USP53: variants seen among roughly 807,000 people sequenced by gnomAD.
USP53 encodes ubiquitin carboxyl-terminal hydrolase 53.
In USP53, 71 loss-of-function variants were observed where a neutral mutation model predicts 94.9. The observed-to-expected ratio is 0.75, with a 90% CI of 0.62 to 0.91. The LOEUF (loss-of-function observed/expected upper bound fraction) is 0.91. Among genes scored for constraint, USP53 ranks in the 40% least tolerant of loss-of-function variants. The pLI, the probability that USP53 is intolerant of heterozygous loss-of-function variation, is 0.00. For synonymous variants in USP53, 375 were observed against 422.7 expected (o/e 0.89, Z 1.39); for missense variants, 1,173 against 1,281.0 (o/e 0.92, Z 1.29).
chr4:119,287,928 C>T (rs1754303501), intron 17 of USP53, among the ~76,000 whole-genome samples: 1 of 152,172 alleles, frequency 6.6e-6, no homozygotes, highest in African/African-American at 2.4e-5. Flanking sequence ...GGTCACTTAA[C>T]TTCACTGAGC....
At chr4:119,225,675 G>C (rs1281693664) in intron 3 of USP53, among the ~76,000 whole-genome samples, 2 of 151,952 alleles carry the variant, frequency 1.3e-5, no homozygotes. Context: ...GAACCCGGGA[G>C]GTGGAGTGAG....
chr4:119,275,580 G>A (rs1290485220), intron 17 of USP53, among the ~76,000 whole-genome samples: 2 of 150,704 alleles, frequency 1.3e-5, no homozygotes, highest in African/African-American at 4.9e-5. Flanking sequence ...TGGCGATGCG[G>A]GCTCTTTTTT....
At chr4:119,238,619 GAC>G (rs1310354217) in intron 4 of USP53, among the ~76,000 whole-genome samples, 2 of 152,302 alleles carry the variant, frequency 1.3e-5, no homozygotes, top group Non-Finnish European at 1.5e-5. Flanking sequence ...CTACAGGGTT[GAC>G]ACACACCTTC....
chr4:119,225,044 T>TA (rs1745052362), intron 3 of USP53, among the ~76,000 whole-genome samples: 1 of 152,062 alleles, frequency 6.6e-6, no homozygotes, highest in Non-Finnish European at 1.5e-5. Flanking sequence ...ATAAAGTTGA[T>TA]AAAATCCCTA....
Position 119,212,876 on chromosome 4 carries a change from A to C in USP53, c.-942+3A>C. 1 of 184,396 alleles carries C rather than the reference A, an allele frequency of 5.4e-6. No individual in the cohort carries two copies. Among genetic ancestry groups the C allele is most frequent in the Non-Finnish European group, 1.2e-5 (1 of 86,024 alleles). The allele number at this position is 184,396 out of a possible 1,614,324, so 11.4% of individuals were successfully genotyped here. A position where few individuals can be genotyped will look rare whatever the true frequency, so the allele number is the denominator to read the frequency against. ...GCGCAAGGAGGGTAGAGCTCAAGGTAAGTCTCCGAAACTAGCCCTCTGGTT... is the reference window on the plus strand; with the variant it reads ...GCGCAAGGAGGGTAGAGCTCAAGGTCAGTCTCCGAAACTAGCCCTCTGGTT... On this transcript the variant is annotated splice_donor_region_variant and intron_variant, in intron 1 of 18. Transcript: ENST00000692078.
At chr4:119,285,219 T>C (rs527870436) in intron 17 of USP53, among the ~76,000 whole-genome samples, 1 of 151,938 alleles carries the variant, frequency 6.6e-6, no homozygotes, top group East Asian at 1.9e-4. Flanking sequence ...GAGAGAAAGA[T>C]GAGAGCAGAT....
At chr4:119,267,201 A>G in intron 12 of USP53, 119 bp from the exon 13 acceptor site, 3 of 788,592 alleles carry the variant, frequency 3.8e-6, no homozygotes, top group Non-Finnish European at 5.8e-6. Context: ...TACTTGAACT[A>G]CTAGCAGCTG....
chr4:119,254,558 T>C (rs191168046), intron 7 of USP53, among the ~76,000 whole-genome samples: 1 of 152,308 alleles, frequency 6.6e-6, no homozygotes, highest in Non-Finnish European at 1.5e-5. Context: ...CGTACTATGT[T>C]TTTCAGCTCC....
Position 119,292,561 on chromosome 4 carries a change from G to A in USP53, c.2572G>A (p.Glu858Lys). Reference protein sequence around the residue: ...SASGKRVNSNEPSSLWSSHLR... With the variant: ...SASGKRVNSNKPSSLWSSHLR... Reference sequence around the variant, plus strand: ...TTCTGGGAAGAGAGTGAACAGTAATGAACCATCTTCATTATGGTCTTCACA... The same window carrying A: ...TTCTGGGAAGAGAGTGAACAGTAATAAACCATCTTCATTATGGTCTTCACA... The change falls in exon 19 of 19, where the codon GAA becomes AAA. Residue 858 changes from glutamate to lysine, a missense_variant. By Grantham distance (56) the Glu-to-Lys change is moderately conservative. Transcript: ENST00000692078. 2 of 1,613,996 alleles carry A rather than the reference G, an allele frequency of 1.2e-6. No individual in the cohort carries two copies. Among genetic ancestry groups the A allele is most frequent in the South Asian group, 1.1e-5 (1 of 91,062 alleles).
Position 119,291,158 on chromosome 4 carries a change from A to G in USP53, c.2252-7A>G, listed in dbSNP as rs757803708. ...TCATCTCTTCTCCCCACCCCACCCAACCCTAGGCTTTAGAAAAGAACTCAG... is the reference window on the plus strand; with the variant it reads ...TCATCTCTTCTCCCCACCCCACCCAGCCCTAGGCTTTAGAAAAGAACTCAG... On this transcript the variant is annotated splice_region_variant and splice_polypyrimidine_tract_variant and intron_variant, in intron 17 of 18. Coordinates refer to ENST00000692078, the MANE Select transcript of USP53 (RefSeq NM_001371395.1). The G allele has an allele frequency of 2.3e-6, 3 of 1,284,350 alleles. No homozygotes were observed. Among genetic ancestry groups the G allele is most frequent in the Non-Finnish European group, 3.3e-6 (3 of 918,508 alleles). The allele number at this position is 1,284,350 out of a possible 1,614,324, so 79.6% of individuals were successfully genotyped here. A position where few individuals can be genotyped will look rare whatever the true frequency, so the allele number is the denominator to read the frequency against.
intron 7 of USP53, among the ~76,000 whole-genome samples, chr4:119,252,697 G>C (rs1342992451): frequency 6.6e-6 from 1 of 152,050 alleles, no homozygotes; most frequent in East Asian, 1.9e-4. Context: ...TGGAACCAGT[G>C]ATTGTTTTGA....
chr4:119,246,712 T>C (rs1347673380), intron 6 of USP53, among the ~76,000 whole-genome samples: 1 of 152,190 alleles, frequency 6.6e-6, no homozygotes, highest in African/African-American at 2.4e-5. Context: ...GGAAGAGTGA[T>C]ACAGTCTGTT....
intron 11 of USP53, among the ~76,000 whole-genome samples, chr4:119,261,332 A>T (rs1313885890): frequency 6.6e-6 from 1 of 152,132 alleles, no homozygotes; most frequent in Non-Finnish European, 1.5e-5. Flanking sequence ...AAAGTTTTGG[A>T]TAATTATCTT....
chr4:119,293,844 T>G lies in USP53; in HGVS notation c.*633T>G, dbSNP rs758458048. The G allele has an allele frequency of 3.3e-5, 5 of 152,000 alleles. No homozygotes were observed. The highest frequency in any genetic ancestry group is 9.7e-5 in the African/African-American group (4 of 41,386). 9.4% of individuals were successfully genotyped at this position (152,000 alleles called of 1,614,324 possible). On this transcript the variant is annotated 3_prime_UTR_variant, in exon 19 of 19. Coordinates refer to ENST00000692078, the MANE Select transcript of USP53 (RefSeq NM_001371395.1). Reference sequence around the variant, plus strand: ...AAGTGTCTTTAAAAAAAATGACTTATGAATTTGATAGCATTTGGGGAAAAA... The same window carrying G: ...AAGTGTCTTTAAAAAAAATGACTTAGGAATTTGATAGCATTTGGGGAAAAA...
Position 119,259,880 on chromosome 4 carries a change from A to T in USP53, c.630A>T (p.Glu210Asp). 1 of 1,612,648 alleles carries T rather than the reference A, an allele frequency of 6.2e-7. No homozygotes were observed. The highest frequency in any genetic ancestry group is 1.1e-5 in the South Asian group (1 of 90,940). ...HERFKPEMFA[E>D]LLQAANTTDD... ...GCTTTAAACCTGAAATGTTTGCAGAATTGCTACAAGCAGCAAATACAACAG... is the reference window on the plus strand; with the variant it reads ...GCTTTAAACCTGAAATGTTTGCAGATTTGCTACAAGCAGCAAATACAACAG... Residue 210 changes from glutamate to aspartate, a missense_variant, in exon 10 of 19, where the codon GAA becomes GAT. By Grantham distance (45) the Glu-to-Asp change is conservative. Transcript: ENST00000692078.
At chr4:119,244,913 A>G (rs1400323288) in intron 5 of USP53, among the ~76,000 whole-genome samples, 1 of 152,118 alleles carries the variant, frequency 6.6e-6, no homozygotes, top group African/African-American at 2.4e-5. Flanking sequence ...GCAGACCCCA[A>G]TTTAGTACAC....
At chr4:119,244,228 T>G (rs1402826916) in intron 5 of USP53, among the ~76,000 whole-genome samples, 2 of 152,194 alleles carry the variant, frequency 1.3e-5, no homozygotes, top group Non-Finnish European at 2.9e-5. Flanking sequence ...ATCAAGTGCT[T>G]TGCAAAAACA....
chr4:119,232,861 T>G (rs143865685), intron 3 of USP53, among the ~76,000 whole-genome samples: 2 of 152,250 alleles, frequency 1.3e-5, no homozygotes, highest in East Asian at 3.9e-4. Flanking sequence ...TCATTTTCCC[T>G]TTGGCCTGCA....
chr4:119,287,315 A>G (rs1232663352), intron 17 of USP53, among the ~76,000 whole-genome samples: 1 of 152,018 alleles, frequency 6.6e-6, no homozygotes, highest in Non-Finnish European at 1.5e-5. Context: ...TCATTCTACC[A>G]TCTTAAGTTT....
Sources: allele counts gnomAD v4.1 joint callset (sites outside exome capture counted in the v4.1 genomes callset), GRCh38; gene constraint gnomAD v4.1.1; transcripts MANE v1.5; gene names NCBI Gene and HGNC (gene_info 2026-07-23, HGNC 2026-07-21).